The following SPIDR variants were observed in gnomAD, a reference collection of about 807,000 sequenced individuals.
The protein encoded by SPIDR is DNA repair-scaffolding protein.
Under a neutral mutation model 104.6 loss-of-function variants are expected in SPIDR, and 93 were observed. That is an observed-to-expected ratio of 0.89 (90% CI 0.75 to 1.06). The LOEUF is 1.06. Ranked by LOEUF, SPIDR falls within the 50% of genes least tolerant of loss-of-function variation. The pLI is 0.00. For missense variants in SPIDR, 1,154 were observed against 1,111.2 expected (o/e 1.04, Z -0.55); for synonymous variants, 431 against 416.9 (o/e 1.03, Z -0.41).
chr8:47,506,825 G>A (rs1460059985), intron 8 of SPIDR, among the ~76,000 whole-genome samples: 2 of 152,162 alleles, frequency 1.3e-5, no homozygotes, highest in Non-Finnish European at 2.9e-5. Flanking sequence ...AAGGGATTGA[G>A]TGTAATTAAC....
chr8:47,636,771 G>A (rs988155979), intron 10 of SPIDR, among the ~76,000 whole-genome samples: 2 of 149,644 alleles, frequency 1.3e-5, no homozygotes, highest in African/African-American at 2.5e-5. Flanking sequence ...AGCCATGATC[G>A]TACCACTGCA....
At chr8:47,412,959 A>T (rs2063744359) in intron 7 of SPIDR, among the ~76,000 whole-genome samples, 1 of 152,176 alleles carries the variant, frequency 6.6e-6, no homozygotes, top group Non-Finnish European at 1.5e-5. Flanking sequence ...AAATTCTCAA[A>T]TGGCTCCTCC....
intron 7 of SPIDR, among the ~76,000 whole-genome samples, chr8:47,421,967 G>C (rs936233789): frequency 7.9e-5 from 12 of 152,154 alleles, no homozygotes; most frequent in African/African-American, 2.9e-4. Flanking sequence ...ATTGTTTCTG[G>C]AAGTTTTGTC....
chr8:47,637,502 A>G (rs532507162), intron 10 of SPIDR, among the ~76,000 whole-genome samples: 1 of 152,260 alleles, frequency 6.6e-6, no homozygotes, highest in South Asian at 2.1e-4. Context: ...CCCAGGAGGC[A>G]GAGGTTGCAA....
At chr8:47,671,428 T>C (rs1376194763) in intron 10 of SPIDR, among the ~76,000 whole-genome samples, 1 of 151,622 alleles carries the variant, frequency 6.6e-6, no homozygotes, top group African/African-American at 2.4e-5. Flanking sequence ...CTACTAAAAA[T>C]ACAAAAATTA....
intron 8 of SPIDR, among the ~76,000 whole-genome samples, chr8:47,584,798 C>A (rs1184952504): frequency 6.6e-6 from 1 of 152,148 alleles, no homozygotes; most frequent in Non-Finnish European, 1.5e-5. Context: ...GATCTGCAGT[C>A]AGCCCCAGGC....
Position 47,260,968 on chromosome 8 carries a change from G to T in SPIDR, c.10G>T (p.Gly4Cys). ...GGCGGCGCTCCCGGAGATGCCCCGCGGCAGCCGCGCTCGGGGCTCTAAGGT... is the reference window on the plus strand; with the variant it reads ...GGCGGCGCTCCCGGAGATGCCCCGCTGCAGCCGCGCTCGGGGCTCTAAGGT... The part of the protein sequence containing the change: MPR[G>C]SRARGSKRKR... Residue 4 changes from glycine to cysteine, a missense_variant, in exon 1 of 20, where the codon GGC becomes TGC. Coordinates refer to ENST00000297423, the MANE Select transcript of SPIDR (RefSeq NM_001080394.4). 1 of 1,230,154 alleles carries T rather than the reference G, an allele frequency of 8.1e-7. No individual in the cohort carries two copies. Among genetic ancestry groups the T allele is most frequent in the Non-Finnish European group, 1.0e-6 (1 of 986,658 alleles). 76.2% of individuals were successfully genotyped at this position (1,230,154 alleles called of 1,614,324 possible). A position where few individuals can be genotyped will look rare whatever the true frequency, so the allele number is the denominator to read the frequency against.
chr8:47,553,486 C>T (rs2154398238), intron 8 of SPIDR, among the ~76,000 whole-genome samples: 1 of 152,284 alleles, frequency 6.6e-6, no homozygotes, highest in Middle Eastern at 3.4e-3. Context: ...TGCTTCATTT[C>T]ATTCATTTGG....
At chr8:47,729,743 A>G in intron 19 of SPIDR, 1 of 460,644 alleles carries the variant, frequency 2.2e-6, no homozygotes, top group African/African-American at 2.0e-5. Context: ...GTTTTTAGAC[A>G]GAGTCTCATT....
intron 6 of SPIDR, among the ~76,000 whole-genome samples, chr8:47,405,200 G>C (rs2062548768): frequency 6.6e-6 from 1 of 151,968 alleles, no homozygotes; most frequent in African/African-American, 2.4e-5. Context: ...ACCGGGGCCT[G>C]TCATGTGGTG....
intron 8 of SPIDR, among the ~76,000 whole-genome samples, chr8:47,577,251 C>T (rs1004379193): frequency 1.3e-5 from 2 of 152,236 alleles, no homozygotes; most frequent in Non-Finnish European, 2.9e-5. Flanking sequence ...CAAGTTCATG[C>T]ATTAAAATCC....
In SPIDR at chr8:47,526,231, C is replaced by T. The variant is rs1377587842; in HGVS notation, c.1098-69580C>T. On this transcript the variant is annotated intron_variant, in intron 8 of 19. Transcript: ENST00000297423. ...AATGATGCCTGGGGTCAGCAAGTGG[C>T]CTTGCTGACATCACAACATGTGCAT... is the stretch of plus-strand genomic sequence containing the variant. 2.6e-5 allele frequency among the ~76,000 whole-genome samples: 4 copies of T among 152,148 alleles called. No homozygotes were observed. The East Asian group carries it at 7.7e-4, about 29-fold the overall frequency.
chr8:47,269,171 T>C (rs1313748686), intron 1 of SPIDR, among the ~76,000 whole-genome samples: 1 of 146,722 alleles, frequency 6.8e-6, no homozygotes, highest in African/African-American at 2.5e-5. Flanking sequence ...TCTCCTTTTT[T>C]TTTTTTTTTT....
At chr8:47,491,151 T>C (rs2078640735) in intron 8 of SPIDR, among the ~76,000 whole-genome samples, 1 of 152,178 alleles carries the variant, frequency 6.6e-6, no homozygotes, top group South Asian at 2.1e-4. Context: ...ATACAGAAGT[T>C]GTTAAAACAG....
chr8:47,709,887 A>ATT (rs5891256), intron 14 of SPIDR, among the ~76,000 whole-genome samples: 130,881 of 143,216 alleles, frequency 0.91, 60,455 homozygotes, highest in Non-Finnish European at 0.97. Flanking sequence ...ATATTCACCA[A>ATT]TTTTTTTTTT....
intron 11 of SPIDR, among the ~76,000 whole-genome samples, chr8:47,685,774 A>G (rs2077728650): frequency 6.6e-6 from 1 of 151,838 alleles, no homozygotes; most frequent in Non-Finnish European, 1.5e-5. Context: ...GTATGGTCTC[A>G]ATCTCTTGAC....
In SPIDR at chr8:47,679,360, C is replaced by T. The variant is rs550645038; in HGVS notation, c.1685+5419C>T. Among the ~76,000 whole-genome samples, 128 of 151,870 alleles carry T rather than the reference C, an allele frequency of 8.4e-4. 1 individual carries two copies. The highest frequency in any genetic ancestry group is 3.4e-3 in the Middle Eastern group (1 of 292). The stretch of plus-strand genomic sequence containing the variant: ...TGCTCTCCAGTGCTGGCCCATGGCA[C>T]GTGCCTGCCTTCCCCATCCCCTCCA... On this transcript the variant is annotated intron_variant, in intron 11 of 19. Coordinates refer to ENST00000297423, the MANE Select transcript of SPIDR (RefSeq NM_001080394.4).
intron 8 of SPIDR, among the ~76,000 whole-genome samples, chr8:47,496,447 T>G (rs2079451178): frequency 6.6e-6 from 1 of 152,222 alleles, no homozygotes; most frequent in South Asian, 2.1e-4. Flanking sequence ...TGTGTCTATT[T>G]AGATGATTAT....
At chr8:47,702,097 T>TCTCTG (rs1491441369) in intron 14 of SPIDR, 82 bp downstream of exon 14, 1 of 59,892 alleles carries the variant, frequency 1.7e-5, no homozygotes, top group African/African-American at 7.6e-5. Context: ...TCTCTCTCTC[T>TCTCTG]TACACACACA....
Sources: allele counts gnomAD v4.1 joint callset (sites outside exome capture counted in the v4.1 genomes callset), GRCh38; gene constraint gnomAD v4.1.1; transcripts MANE v1.5; gene names NCBI Gene and HGNC (gene_info 2026-07-23, HGNC 2026-07-21).